LRRIQ3: variants seen among roughly 807,000 people sequenced by gnomAD.
LRRIQ3 encodes leucine rich repeats and IQ motif containing 3, also known as leucine-rich repeat and IQ domain-containing protein 3.
LRRIQ3 carries 75 observed loss-of-function variants against 59.3 expected under a neutral mutation model. The ratio of observed to expected loss-of-function variants is 1.26; its 90% CI spans 1.05 to 1.53. The LOEUF is 1.53. LRRIQ3 is among the 40% of genes most tolerant of loss of function. The probability of loss-of-function intolerance (pLI) is 0.00; values close to 1 mark genes in which losing one functional copy is unlikely to be tolerated. For missense variants in LRRIQ3, 831 were observed against 710.0 expected, an observed-to-expected ratio of 1.17 and a Z score of -1.94; for synonymous variants, 250 against 231.3, an observed-to-expected ratio of 1.08 and a Z score of -0.73.
intron 3 of LRRIQ3, among the ~76,000 whole-genome samples, chr1:74,179,690 C>T (rs1239455795): frequency 6.6e-6 from 1 of 151,766 alleles, no homozygotes; most frequent in Non-Finnish European, 1.5e-5. Flanking sequence ...ATCAAAAGAA[C>T]TTTGCTTAGT....
intron 4 of LRRIQ3, among the ~76,000 whole-genome samples, chr1:74,154,006 C>T (rs1420624492): frequency 6.6e-6 from 1 of 151,802 alleles, no homozygotes; most frequent in Non-Finnish European, 1.5e-5. Context: ...CTTTGGGGGG[C>T]CGAGGTGTGC....
At chr1:74,067,496 G>A (rs1254393140) in intron 6 of LRRIQ3, among the ~76,000 whole-genome samples, 2 of 152,086 alleles carry the variant, frequency 1.3e-5, no homozygotes, top group Non-Finnish European at 1.5e-5. Context: ...GAAATCAAGT[G>A]TATATTTAAG....
chr1:74,130,294 G>C (rs1646993815), intron 4 of LRRIQ3, among the ~76,000 whole-genome samples: 1 of 152,068 alleles, frequency 6.6e-6, no homozygotes, highest in Non-Finnish European at 1.5e-5. Context: ...ACTGGGATGA[G>C]CAACTTCCCT....
At chr1:74,067,247 C>A (rs941659675) in intron 6 of LRRIQ3, among the ~76,000 whole-genome samples, 9 of 152,060 alleles carry the variant, frequency 5.9e-5, no homozygotes, top group Admixed American at 4.6e-4. Context: ...TCTGCCCCAC[C>A]CATTCTTATA....
intron 6 of LRRIQ3, among the ~76,000 whole-genome samples, chr1:74,059,603 T>C (rs972386737): frequency 6.6e-6 from 1 of 152,096 alleles, no homozygotes; most frequent in Non-Finnish European, 1.5e-5. Context: ...TTACTGTAGC[T>C]TTGCAGTAAG....
At chr1:74,052,086 C>T (rs1228980780) in intron 6 of LRRIQ3, among the ~76,000 whole-genome samples, 1 of 152,094 alleles carries the variant, frequency 6.6e-6, no homozygotes, top group African/African-American at 2.4e-5. Context: ...CATGACGCTT[C>T]AATCTTTTTT....
chr1:74,122,678 T>C (rs1173057242), intron 4 of LRRIQ3, among the ~76,000 whole-genome samples: 1 of 152,024 alleles, frequency 6.6e-6, no homozygotes, highest in Non-Finnish European at 1.5e-5. Flanking sequence ...AAAAATTAAT[T>C]CAAGATGGAT....
chr1:74,149,248 T>C lies in LRRIQ3; in HGVS notation c.707+6485A>G, dbSNP rs112477161. Reference sequence around the variant, plus strand: ...TACTCTCTGGGAAATTTACGTAAGATGGCATTATATTTTCCTTACATGTAT... The same window carrying C: ...TACTCTCTGGGAAATTTACGTAAGACGGCATTATATTTTCCTTACATGTAT... On this transcript the variant is annotated intron_variant, in intron 4 of 7. Coordinates refer to ENST00000354431, the MANE Select transcript of LRRIQ3 (RefSeq NM_001105659.2). Among the ~76,000 whole-genome samples, 601 of 152,322 alleles carry C rather than the reference T, an allele frequency of 3.9e-3. 9 individuals carry two copies. Among genetic ancestry groups the C allele is most frequent in the African/African-American group, 0.013 (550 of 41,574 alleles).
intron 3 of LRRIQ3, among the ~76,000 whole-genome samples, chr1:74,161,801 A>C (rs962282654): frequency 1.3e-5 from 2 of 151,940 alleles, no homozygotes; most frequent in African/African-American, 4.8e-5. Context: ...AGTAAACTCC[A>C]GACAATACTT....
intron 3 of LRRIQ3, chr1:74,181,183 G>T: frequency 6.0e-6 from 1 of 166,628 alleles, no homozygotes; most frequent in Non-Finnish European, 1.3e-5. Context: ...TCTACACTGT[G>T]TTCTTTCTTC....
chr1:74,194,029 T>C (rs1245704394), intron 1 of LRRIQ3, among the ~76,000 whole-genome samples: 2 of 152,162 alleles, frequency 1.3e-5, no homozygotes, highest in African/African-American at 4.8e-5. Context: ...TAAATACTTT[T>C]TATTTGGATA....
At chr1:74,091,381 T>C (rs2100517280) in intron 5 of LRRIQ3, among the ~76,000 whole-genome samples, 1 of 152,198 alleles carries the variant, frequency 6.6e-6, no homozygotes, top group South Asian at 2.1e-4. Context: ...TCAAATACAA[T>C]GAGCAGTACA....
chr1:74,124,660 G>C (rs1161180425), intron 4 of LRRIQ3, among the ~76,000 whole-genome samples: 2 of 151,914 alleles, frequency 1.3e-5, no homozygotes, highest in Non-Finnish European at 2.9e-5. Flanking sequence ...TCAAAAATCA[G>C]TTCACTGTAG....
At chr1:74,144,572 G>C in intron 4 of LRRIQ3, 1 of 219,384 alleles carries the variant, frequency 4.6e-6, no homozygotes, top group Non-Finnish European at 9.2e-6. Context: ...AAAAAAAGCA[G>C]CAAAAAAAAC....
intron 5 of LRRIQ3, among the ~76,000 whole-genome samples, chr1:74,099,516 A>T (rs1353147796): frequency 6.6e-6 from 1 of 152,212 alleles, no homozygotes; most frequent in African/African-American, 2.4e-5. Flanking sequence ...AAACTATTCC[A>T]ATCAATAGAA....
intron 5 of LRRIQ3, among the ~76,000 whole-genome samples, chr1:74,094,669 C>T (rs1646430405): frequency 6.6e-6 from 1 of 152,036 alleles, no homozygotes; most frequent in Non-Finnish European, 1.5e-5. Flanking sequence ...TACTTAATTG[C>T]TAGAGAAGCT....
chr1:74,103,569 ACCC>A (rs1391914782), intron 5 of LRRIQ3, among the ~76,000 whole-genome samples: 1 of 151,904 alleles, frequency 6.6e-6, no homozygotes, highest in African/African-American at 2.4e-5. Flanking sequence ...ACATAAATTG[ACCC>A]CCAAAATAAA....
rs1570274740 is a variant in LRRIQ3 at position 74,183,539 on chromosome 1, C to T, written c.146G>A (p.Cys49Tyr). ...HLKSMENLQS[C>Y]ISLRVCIFSN... ...GAAGATGCATACTCTAAGAGAGATG[C>T]AAGACTGCAAATTTTCCATAGACTT... The change falls in exon 2 of 8, where the codon TGC (cysteine) becomes TAC (tyrosine). Residue 49 changes from cysteine to tyrosine, a missense_variant. By Grantham distance (194) the Cys-to-Tyr change is radical (BLOSUM62 -2). Transcript: ENST00000354431. The T allele has an allele frequency of 2.5e-6, 4 of 1,611,960 alleles. No individual in the cohort carries two copies. The East Asian group carries it at 9.0e-5, about 36-fold the overall frequency.
chr1:74,072,712 G>C (rs140701066), intron 6 of LRRIQ3, among the ~76,000 whole-genome samples: 1 of 151,812 alleles, frequency 6.6e-6, no homozygotes, highest in Non-Finnish European at 1.5e-5. Context: ...TTGGAAGTAG[G>C]TACCTATTAG....
Sources: allele counts gnomAD v4.1 joint callset (sites outside exome capture counted in the v4.1 genomes callset), GRCh38; gene constraint gnomAD v4.1.1; transcripts MANE v1.5; gene names NCBI Gene and HGNC (gene_info 2026-07-23, HGNC 2026-07-21).